Variants in ADGRL3 observed in about 807,000 individuals in gnomAD.
ADGRL3 encodes calcium-independent alpha-latrotoxin receptor 3.
A neutral mutation model predicts 153.5 loss-of-function variants in ADGRL3; 62 were observed. That is an observed-to-expected ratio of 0.40 (90% CI 0.33 to 0.50). ADGRL3 has a LOEUF of 0.50. Ranked by LOEUF, ADGRL3 falls within the 20% of genes least tolerant of loss-of-function variation. The probability of loss-of-function intolerance (pLI) is 0.47; values close to 1 mark genes in which losing one functional copy is unlikely to be tolerated. For missense variants in ADGRL3, 1,641 were observed against 1,859.4 expected (o/e 0.88, Z 2.16); for synonymous variants, 710 against 672.5 (o/e 1.06, Z -0.86).
chr4:61,315,622 G>A (rs1261133118), intron 1 of ADGRL3, among the ~76,000 whole-genome samples: 1 of 152,158 alleles, frequency 6.6e-6, no homozygotes, highest in Non-Finnish European at 1.5e-5. Flanking sequence ...AGATATAAAT[G>A]TAATAGCATC....
At position 62,070,275 on chromosome 4, in the gene ADGRL3, T is replaced by C; in HGVS notation, c.3999T>C (p.Ile1333=). The C allele has an allele frequency of 6.3e-7, 1 of 1,593,764 alleles. No homozygotes were observed. Among genetic ancestry groups the C allele is most frequent in the South Asian group, 1.1e-5 (1 of 89,116 alleles). ...NHNETALEKK[I]LKELTSNYIP... is the part of the protein sequence containing the mutation. ...ACGAGACCGCCCTAGAGAAAAAGAT[T>C]CTGAAGGAACTCACTTCCAACTATA... The change falls in exon 27 of 27, where the codon ATT becomes ATC. Residue 1333 remains isoleucine, a synonymous_variant. Coordinates refer to ENST00000683033, the MANE Select transcript of ADGRL3 (RefSeq NM_001387552.1).
At chr4:61,899,148 G>T (rs185792480) in intron 11 of ADGRL3, among the ~76,000 whole-genome samples, 4 of 152,134 alleles carry the variant, frequency 2.6e-5, no homozygotes, top group African/African-American at 9.6e-5. Flanking sequence ...AAATGATTTG[G>T]GGGCTGCTTT....
chr4:61,788,846 T>C (rs936950733), intron 8 of ADGRL3, among the ~76,000 whole-genome samples: 1 of 152,184 alleles, frequency 6.6e-6, no homozygotes, highest in African/African-American at 2.4e-5. Flanking sequence ...TAGTGCTTTT[T>C]CCAAAATAAG....
At chr4:61,490,334 T>G (rs1018102934) in intron 2 of ADGRL3, among the ~76,000 whole-genome samples, 7 of 152,054 alleles carry the variant, frequency 4.6e-5, no homozygotes, top group Middle Eastern at 3.4e-3. Context: ...ATTCTCTTCC[T>G]CATTGTTTCC....
intron 1 of ADGRL3, among the ~76,000 whole-genome samples, chr4:61,287,131 G>A (rs897010194): frequency 3.3e-5 from 5 of 151,510 alleles, no homozygotes; most frequent in South Asian, 2.1e-4. Flanking sequence ...TAGAAAATAC[G>A]TTTTACCACA....
chr4:61,996,785 G>A lies in ADGRL3; in HGVS notation c.3303+428G>A, dbSNP rs1484213025. 2.6e-5 allele frequency among the ~76,000 whole-genome samples: 4 copies of A among 152,166 alleles called. No homozygotes were observed. The East Asian group carries it at 7.7e-4, about 29-fold the overall frequency. On this transcript the variant is annotated intron_variant, in intron 20 of 26. Coordinates refer to ENST00000683033, the MANE Select transcript of ADGRL3 (RefSeq NM_001387552.1). ...CAGCTTTGTTTTTTATATGAATCTTGAAAACTTTAAAATTTAAAAGCAAAA... is the reference window on the plus strand; with the variant it reads ...CAGCTTTGTTTTTTATATGAATCTTAAAAACTTTAAAATTTAAAAGCAAAA...
intron 1 of ADGRL3, among the ~76,000 whole-genome samples, chr4:61,260,073 A>T (rs1470659247): frequency 6.6e-6 from 1 of 152,226 alleles, no homozygotes; most frequent in Non-Finnish European, 1.5e-5. Context: ...TATGATAAAC[A>T]TGCTATATAT....
intron 8 of ADGRL3, among the ~76,000 whole-genome samples, chr4:61,767,476 G>A (rs957671692): frequency 1.3e-5 from 2 of 152,050 alleles, no homozygotes; most frequent in Admixed American, 6.5e-5. Context: ...AAGGGGACGG[G>A]CTTACCTTCC....
chr4:61,214,526 TA>T (rs751809170), intron 1 of ADGRL3, among the ~76,000 whole-genome samples: 36 of 152,210 alleles, frequency 2.4e-4, no homozygotes, highest in Non-Finnish European at 2.4e-4. Context: ...AGTTTGTCTA[TA>T]AAAGTAGATG....
chr4:61,295,515 A>G (rs1386802770), intron 1 of ADGRL3, among the ~76,000 whole-genome samples: 2 of 152,156 alleles, frequency 1.3e-5, no homozygotes, highest in South Asian at 2.1e-4. Flanking sequence ...ATAGAGATCT[A>G]GCAAATATCA....
At position 61,202,920 on chromosome 4, in the gene ADGRL3, C is replaced by G. The variant is rs1735453333; in HGVS notation, c.-240+1155C>G. On this transcript the variant is annotated intron_variant, in intron 1 of 26. Transcript: ENST00000683033. The surrounding 1 kb of genome is among the most constrained non-coding windows in gnomAD (Gnocchi z 5.0). ...GCTGATGCTGCTGGAGCTGAGCTTG[C>G]TTATTGAAATCGCCTGGGATCCTCT... Among the ~76,000 whole-genome samples the G allele has an allele frequency of 6.6e-6, 1 of 152,158 alleles. No homozygotes were observed. The highest frequency in any genetic ancestry group is 6.5e-5 in the Admixed American group (1 of 15,274).
intron 9 of ADGRL3, among the ~76,000 whole-genome samples, chr4:61,822,282 G>A (rs1256177113): frequency 6.6e-6 from 1 of 152,154 alleles, no homozygotes; most frequent in Non-Finnish European, 1.5e-5. Context: ...TACAGGCAGA[G>A]AGTATAGCTT....
At chr4:61,988,985 A>G (rs1167935196) in intron 19 of ADGRL3, among the ~76,000 whole-genome samples, 1 of 152,136 alleles carries the variant, frequency 6.6e-6, no homozygotes, top group Non-Finnish European at 1.5e-5. Context: ...ATTAAACTTT[A>G]CATTTGTCTT....
chr4:62,034,146 T>G (rs902561652), intron 23 of ADGRL3, among the ~76,000 whole-genome samples: 3 of 151,780 alleles, frequency 2.0e-5, no homozygotes, highest in African/African-American at 7.2e-5. Context: ...AGTTCAATTT[T>G]GTGATTCATT....
chr4:61,561,638 A>C (rs1442171527), intron 4 of ADGRL3, among the ~76,000 whole-genome samples: 1 of 152,138 alleles, frequency 6.6e-6, no homozygotes, highest in African/African-American at 2.4e-5. Context: ...TTTATAGAGA[A>C]AACAAATATT....
intron 2 of ADGRL3, among the ~76,000 whole-genome samples, chr4:61,455,706 A>G (rs1474494845): frequency 6.6e-6 from 1 of 152,068 alleles, no homozygotes; most frequent in Admixed American, 6.6e-5. Flanking sequence ...TAGATGTAAT[A>G]AATAGTATTA....
At chr4:61,465,028 G>A (rs1253062472) in intron 2 of ADGRL3, among the ~76,000 whole-genome samples, 1 of 152,096 alleles carries the variant, frequency 6.6e-6, no homozygotes, top group African/African-American at 2.4e-5. Flanking sequence ...TCAGGAATGG[G>A]GTCCCGATGC....
At chr4:61,396,472 T>A (rs1358988472) in intron 2 of ADGRL3, among the ~76,000 whole-genome samples, 1 of 151,972 alleles carries the variant, frequency 6.6e-6, no homozygotes, top group African/African-American at 2.4e-5. Flanking sequence ...ATTTGTGATG[T>A]TAATCAGTAA....
At chr4:62,028,939 G>A in intron 22 of ADGRL3, 58 bp downstream of exon 22, 4 of 1,468,936 alleles carry the variant, frequency 2.7e-6, no homozygotes, top group South Asian at 1.2e-5. Context: ...CCATGAACCA[G>A]CTGTCAGATC....
Sources: allele counts gnomAD v4.1 joint callset (sites outside exome capture counted in the v4.1 genomes callset), GRCh38; gene constraint gnomAD v4.1.1; non-coding constraint Gnocchi (gnomAD v3.1); transcripts MANE v1.5; gene names NCBI Gene and HGNC (gene_info 2026-07-23, HGNC 2026-07-21).